The following EPM2A variants were observed in gnomAD, a reference collection of about 807,000 sequenced individuals.
The protein encoded by EPM2A is laforin.
EPM2A carries 21 observed loss-of-function variants against 26.5 expected under a neutral mutation model. The ratio of observed to expected loss-of-function variants is 0.79; its 90% CI spans 0.56 to 1.14. The LOEUF (loss-of-function observed/expected upper bound fraction) is 1.14. Ranked by LOEUF, EPM2A falls within the 50% of genes most tolerant of loss-of-function variation. EPM2A has a pLI of 0.00. For missense variants in EPM2A, 458 were observed against 440.8 expected, an observed-to-expected ratio of 1.04 and a Z score of -0.35; for synonymous variants, 217 against 177.6, an observed-to-expected ratio of 1.22 and a Z score of -1.76.
intron 4 of EPM2A, among the ~76,000 whole-genome samples, chr6:145,388,234 T>C (rs1235030898): frequency 1.3e-5 from 2 of 152,196 alleles, no homozygotes; most frequent in Admixed American, 1.3e-4. Context: ...TCCACTTCAC[T>C]ACTAGTAAAA....
intron 2 of EPM2A, among the ~76,000 whole-genome samples, chr6:145,677,803 T>A (rs927777305): frequency 6.6e-6 from 1 of 152,086 alleles, no homozygotes; most frequent in South Asian, 2.1e-4. Context: ...GGAAGACCAT[T>A]CCATGCTCAT....
intron 2 of EPM2A, among the ~76,000 whole-genome samples, chr6:145,558,568 T>C (rs1780762389): frequency 6.6e-6 from 1 of 152,106 alleles, no homozygotes; most frequent in South Asian, 2.1e-4. Context: ...GGTTTTCTTT[T>C]CCCTGCACCC....
At chr6:145,423,994 G>C (rs1778821914) in intron 4 of EPM2A, among the ~76,000 whole-genome samples, 1 of 152,162 alleles carries the variant, frequency 6.6e-6, no homozygotes, top group South Asian at 2.1e-4. Flanking sequence ...AGCCAATGGG[G>C]CCCATCAACA....
intron 2 of EPM2A, among the ~76,000 whole-genome samples, chr6:145,570,654 G>T (rs1337393755): frequency 2.6e-5 from 4 of 152,198 alleles, no homozygotes; most frequent in Non-Finnish European, 5.9e-5. Context: ...TTTGCCTTCA[G>T]CAAGCACCTC....
chr6:145,572,589 C>A (rs544541910), intron 2 of EPM2A, among the ~76,000 whole-genome samples: 1 of 152,136 alleles, frequency 6.6e-6, no homozygotes, highest in Non-Finnish European at 1.5e-5. Context: ...AGTAACAGAC[C>A]AAGAGCTGTC....
intron 2 of EPM2A, among the ~76,000 whole-genome samples, chr6:145,565,788 G>A (rs962128342): frequency 6.6e-6 from 1 of 152,152 alleles, no homozygotes; most frequent in South Asian, 2.1e-4. Context: ...TCCCTGAGGG[G>A]CTCTGGAAGG....
At chr6:145,726,620 C>T (rs529003815) in intron 1 of EPM2A, among the ~76,000 whole-genome samples, 5 of 152,084 alleles carry the variant, frequency 3.3e-5, no homozygotes, top group Admixed American at 6.6e-5. Flanking sequence ...AAGGAAGGCA[C>T]TTTACTTTGA....
intron 1 of EPM2A, among the ~76,000 whole-genome samples, chr6:145,725,368 A>G (rs1278337328): frequency 6.6e-6 from 1 of 152,068 alleles, no homozygotes; most frequent in African/African-American, 2.4e-5. Flanking sequence ...CCACTCTAAA[A>G]GATGGTTTGG....
chr6:145,572,987 C>T (rs1780980668), intron 2 of EPM2A, among the ~76,000 whole-genome samples: 1 of 152,198 alleles, frequency 6.6e-6, no homozygotes, highest in Non-Finnish European at 1.5e-5. Flanking sequence ...TATCCTTCAC[C>T]TTAGAAGGAA....
At chr6:145,553,916 C>T (rs912536877) in intron 2 of EPM2A, among the ~76,000 whole-genome samples, 38 of 149,066 alleles carry the variant, frequency 2.5e-4, no homozygotes, top group Admixed American at 2.4e-3. Context: ...CTTAGAAATT[C>T]ACATTGGCAT....
chr6:145,638,499 T>G (rs898710995), intron 2 of EPM2A: 1 of 152,154 alleles, frequency 6.6e-6, no homozygotes, highest in African/African-American at 2.4e-5. Flanking sequence ...AACACATATA[T>G]CTCACACATA....
At chr6:145,609,287 T>A (rs7772286) in intron 2 of EPM2A, among the ~76,000 whole-genome samples, 74,425 of 151,984 alleles carry the variant, frequency 0.49, 18,850 homozygotes, top group African/African-American at 0.6. Flanking sequence ...CCGCCAATAA[T>A]CTTGGAACTG....
chr6:145,553,416 G>A (rs755493264), intron 2 of EPM2A, among the ~76,000 whole-genome samples: 22 of 152,120 alleles, frequency 1.4e-4, no homozygotes, highest in Non-Finnish European at 2.4e-4. Context: ...CGTGGCTAAC[G>A]AACTCACCAA....
intron 2 of EPM2A, among the ~76,000 whole-genome samples, chr6:145,600,953 C>T (rs1781409501): frequency 6.6e-6 from 1 of 152,208 alleles, no homozygotes; most frequent in Admixed American, 6.5e-5. Flanking sequence ...TGGCTGTACC[C>T]TTTCCAATGA....
intron 2 of EPM2A, among the ~76,000 whole-genome samples, chr6:145,651,787 C>T (rs1777900576): frequency 6.6e-6 from 1 of 152,118 alleles, no homozygotes; most frequent in African/African-American, 2.4e-5. Context: ...TAAGGATGCC[C>T]CTCAGCTACT....
At chr6:145,496,734 T>TTTTTTTTTTTTTTG, downstream of EPM2A, among the ~76,000 whole-genome samples, 1 of 122,732 alleles carries the variant, frequency 8.1e-6, no homozygotes, top group Admixed American at 7.6e-5. Context: ...TGCAATTTTT[T>TTTTTTTTTTTTTTG]TTTTTTTTTT....
chr6:145,663,196 G>C (rs1460623812), intron 2 of EPM2A, among the ~76,000 whole-genome samples: 1 of 152,150 alleles, frequency 6.6e-6, no homozygotes, highest in African/African-American at 2.4e-5. Context: ...ATGTCCAACT[G>C]GGGGGTATAG....
At chr6:145,686,536 T>A (rs1246024852) in intron 1 of EPM2A, among the ~76,000 whole-genome samples, 1 of 152,160 alleles carries the variant, frequency 6.6e-6, no homozygotes, top group Non-Finnish European at 1.5e-5. Flanking sequence ...ATAAAAAGCA[T>A]GTTAACTCTT....
chr6:145,457,611 T>C (rs974518998), intron 4 of EPM2A, among the ~76,000 whole-genome samples: 3 of 152,342 alleles, frequency 2.0e-5, no homozygotes, highest in Non-Finnish European at 4.4e-5. Context: ...TTTTATTGAA[T>C]GTATAGAACA....
Sources: gnomAD v4.1 joint callset for allele counts (sites outside exome capture counted in the v4.1 genomes callset) on GRCh38, gnomAD v4.1.1 for gene constraint, MANE v1.5 for transcripts, NCBI Gene and HGNC (gene_info 2026-07-23, HGNC 2026-07-21) for gene names.